The following ZFP3 variants were observed in gnomAD, a reference collection of about 807,000 sequenced individuals.
ZFP3 encodes the protein zinc finger protein 3 homolog.
Under a neutral mutation model 36.7 loss-of-function variants are expected in ZFP3, and 18 were observed. The observed-to-expected ratio is 0.49, with a 90% CI of 0.34 to 0.73. The LOEUF (loss-of-function observed/expected upper bound fraction) is 0.73. Among genes scored for constraint, ZFP3 ranks in the 30% least tolerant of loss-of-function variants. The pLI, the probability that ZFP3 is intolerant of heterozygous loss-of-function variation, is 0.01. For missense variants in ZFP3, 495 were observed against 599.0 expected (o/e 0.83, Z 1.81); for synonymous variants, 218 against 199.0 (o/e 1.10, Z -0.81).
chr17:5,086,898 T>TTTTA (rs2072124467), intron 1 of ZFP3, among the ~76,000 whole-genome samples: 1 of 151,272 alleles, frequency 6.6e-6, no homozygotes, highest in African/African-American at 2.4e-5. Context: ...TGGCTCCTTT[T>TTTTA]TTTGTACTTT....
rs1567748985 is a variant in ZFP3, at chr17:5,086,742, T to G, written c.-8-4755T>G. ...TTTCTTTCTTTTTTTTTTTTTTTTT[T>G]TTTGAGACGGAGTCTCGCTCTGTCA... On this transcript the variant is annotated intron_variant, in intron 1 of 1. Transcript: ENST00000318833. Among the ~76,000 whole-genome samples the G allele has an allele frequency of 4.7e-5, 7 of 148,630 alleles. No homozygotes were observed. The South Asian group carries it at 1.3e-3, about 27-fold the overall frequency.
At chr17:5,085,246 ATGT>A (rs1174471359) in intron 1 of ZFP3, among the ~76,000 whole-genome samples, 2 of 151,934 alleles carry the variant, frequency 1.3e-5, no homozygotes, top group African/African-American at 4.8e-5. Flanking sequence ...GGGTTTCACC[ATGT>A]TGTCCAGGCT....
In ZFP3 at chr17:5,091,979, C is replaced by A. The variant is rs1156417727; in HGVS notation, c.475C>A (p.His159Asn). 1.2e-6 allele frequency: 2 copies of A among 1,614,154 alleles called. No individual in the cohort carries two copies. The highest frequency in any genetic ancestry group is 8.5e-7 in the Non-Finnish European group (1 of 1,179,992). Residue 159 changes from histidine to asparagine, a missense_variant, in exon 2 of 2, where the codon CAT (histidine) becomes AAT (asparagine). By Grantham distance (68) the His-to-Asn change is moderately conservative. Transcript: ENST00000318833. ...AFNQNSHLIQHMRVHSGEKPF... is the reference protein window; with the variant it reads ...AFNQNSHLIQNMRVHSGEKPF... ...TAATCAGAACTCACATCTCATCCAGCATATGAGAGTTCATAGTGGAGAAAA... is the reference window on the plus strand; with the variant it reads ...TAATCAGAACTCACATCTCATCCAGAATATGAGAGTTCATAGTGGAGAAAA...
At chr17:5,087,077 ATTTTTTT>A in intron 1 of ZFP3, among the ~76,000 whole-genome samples, 1 of 101,568 alleles carries the variant, frequency 9.8e-6, no homozygotes, top group East Asian at 2.8e-4. Context: ...ACTGCATTTG[ATTTTTTT>A]TTTTTTTTTT....
chr17:5,086,100 G>A (rs1187684963), intron 1 of ZFP3, among the ~76,000 whole-genome samples: 1 of 152,184 alleles, frequency 6.6e-6, no homozygotes, highest in Non-Finnish European at 1.5e-5. Flanking sequence ...GTTTTTAGGT[G>A]CCCTCTCTTA....
At chr17:5,088,391 T>A (rs4790248) in intron 1 of ZFP3, among the ~76,000 whole-genome samples, 13,634 of 152,086 alleles carry the variant, frequency 0.09, 709 homozygotes, top group East Asian at 0.16. Context: ...CTGCTACTAG[T>A]GCTCTAGTGA....
rs2072171538 is a variant in ZFP3 at position 5,094,764 on chromosome 17, T to C, written c.*1751T>C. ...GCCAGTTTACATTTTAATTTTCACA[T>C]CATTTCTATGATGTGGGTACTCATT... On this transcript the variant is annotated 3_prime_UTR_variant, in exon 2 of 2. Coordinates refer to ENST00000318833, the MANE Select transcript of ZFP3 (RefSeq NM_153018.3). 6.0e-6 allele frequency: 1 copy of C among 167,132 alleles called. No homozygotes were observed. The highest frequency in any genetic ancestry group is 2.4e-5 in the African/African-American group (1 of 41,468). The allele number at this position is 167,132 out of a possible 1,614,324, so 10.4% of individuals were successfully genotyped here. A position where few individuals can be genotyped will look rare whatever the true frequency, so the allele number is the denominator to read the frequency against.
At chr17:5,081,642 C>G (rs1033992371) in intron 1 of ZFP3, among the ~76,000 whole-genome samples, 1 of 151,100 alleles carries the variant, frequency 6.6e-6, no homozygotes, top group East Asian at 2.0e-4. Context: ...CGCTCTATCA[C>G]CCAGGCTGGA....
intron 1 of ZFP3, among the ~76,000 whole-genome samples, chr17:5,080,018 G>A (rs2072085249): frequency 2.6e-5 from 4 of 151,838 alleles, no homozygotes; most frequent in Admixed American, 6.6e-5. Context: ...CAGCCTGGGA[G>A]ACAGAGCGAG....
Position 5,091,640 on chromosome 17 carries a change from ATGT to A in ZFP3, c.139_141del (p.Leu47del). 6.2e-7 allele frequency: 1 copy of A among 1,614,234 alleles called. No homozygotes were observed. The highest frequency in any genetic ancestry group is 8.5e-7 in the Non-Finnish European group (1 of 1,180,048). On this transcript the variant is annotated inframe_deletion, in exon 2 of 2. Coordinates refer to ENST00000318833, the MANE Select transcript of ZFP3 (RefSeq NM_153018.3). Reference sequence around the variant, plus strand: ...GTTTGGAGCAGGATGTGAAGAAGACATGTTGGAGGGACATTCGAGAGAGTCCAT... The same window carrying A: ...GTTTGGAGCAGGATGTGAAGAAGACATGGAGGGACATTCGAGAGAGTCCAT...
At position 5,094,750 on chromosome 17, in the gene ZFP3, T is replaced by G. The variant is rs370306087; in HGVS notation, c.*1737T>G. Reference sequence around the variant, plus strand: ...CTGACAGGCAGAGTGCCAGTTTACATTTTAATTTTCACATCATTTCTATGA... The same window carrying G: ...CTGACAGGCAGAGTGCCAGTTTACAGTTTAATTTTCACATCATTTCTATGA... On this transcript the variant is annotated 3_prime_UTR_variant, in exon 2 of 2. Transcript: ENST00000318833. 2 of 167,142 alleles carry G rather than the reference T, an allele frequency of 1.2e-5. No individual in the cohort carries two copies. The highest frequency in any genetic ancestry group is 4.8e-5 in the African/African-American group (2 of 41,474). 10.4% of individuals were successfully genotyped at this position (167,142 alleles called of 1,614,324 possible).
At chr17:5,086,830 C>T (rs1412700048) in intron 1 of ZFP3, among the ~76,000 whole-genome samples, 1 of 150,244 alleles carries the variant, frequency 6.7e-6, no homozygotes, top group African/African-American at 2.5e-5. Flanking sequence ...CGGGTTCAGG[C>T]CATTCTCCTG....
chr17:5,091,873 A>G lies in ZFP3; in HGVS notation c.369A>G (p.Leu123=). The G allele has an allele frequency of 6.2e-7, 1 of 1,614,262 alleles. No homozygotes were observed. The highest frequency in any genetic ancestry group is 8.5e-7 in the Non-Finnish European group (1 of 1,180,052). The change falls in exon 2 of 2, where the codon CTA becomes CTG. Residue 123 remains leucine, a synonymous_variant. Transcript: ENST00000318833. ...TTGCTACCTCTGGCCAAAACTTCCTAGAGATTTTAGAATCTAACAAAACAC... is the reference window on the plus strand; with the variant it reads ...TTGCTACCTCTGGCCAAAACTTCCTGGAGATTTTAGAATCTAACAAAACAC... The part of the protein sequence containing the change: ...SAFATSGQNF[L]EILESNKTQR...
intron 1 of ZFP3, among the ~76,000 whole-genome samples, chr17:5,082,494 G>A (rs990920555): frequency 1.4e-4 from 22 of 152,260 alleles, no homozygotes; most frequent in Admixed American, 1.2e-3. Context: ...TGGACGTTTT[G>A]TAATACAAGT....
chr17:5,092,876 T>G lies in ZFP3; in HGVS notation c.1372T>G (p.Phe458Val). 6.2e-7 allele frequency: 1 copy of G among 1,614,128 alleles called. No individual in the cohort carries two copies. The highest frequency in any genetic ancestry group is 8.5e-7 in the Non-Finnish European group (1 of 1,180,018). ...TGAATGTAGCGAGTGTGAGAAAACA[T>G]TTAGCCAGCATTCCCAACTTATCAT... The part of the protein sequence containing the change: ...PYECSECEKT[F>V]SQHSQLIIHQ... Residue 458 changes from phenylalanine (F) to valine (V), a missense_variant, in exon 2 of 2, where the codon TTT becomes GTT. Physicochemically the swap from Phe to Val is conservative, Grantham distance 50. Around this residue, in one of 3 missense-constraint regions of ZFP3, gnomAD observed 163 missense variants for 178.4 expected, o/e 0.91. Coordinates refer to ENST00000318833, the MANE Select transcript of ZFP3 (RefSeq NM_153018.3). The surrounding 1 kb of genome is among the most constrained non-coding windows in gnomAD (Gnocchi z 5.0).
Position 5,093,090 on chromosome 17 carries a change from C to G in ZFP3, c.*77C>G. On this transcript the variant is annotated 3_prime_UTR_variant, in exon 2 of 2. Transcript: ENST00000318833. ...TTTGTTCATAATATGCAAATATGCACCCCAAGTATTCAAATCCAATGAATG... is the reference window on the plus strand; with the variant it reads ...TTTGTTCATAATATGCAAATATGCAGCCCAAGTATTCAAATCCAATGAATG... The G allele has an allele frequency of 7.1e-7, 1 of 1,404,386 alleles. No individual in the cohort carries two copies. Among genetic ancestry groups the G allele is most frequent in the East Asian group, 2.3e-5 (1 of 42,616 alleles). 87.0% of individuals were successfully genotyped at this position (1,404,386 alleles called of 1,614,324 possible).
Position 5,092,655 on chromosome 17 carries a change from A to G in ZFP3, c.1151A>G (p.Glu384Gly). Residue 384 changes from glutamate (E) to glycine (G), a missense_variant, in exon 2 of 2, where the codon GAG becomes GGG. Glu to Gly is a moderately conservative substitution (Grantham distance 98). This residue lies in a region of ZFP3 where 163 missense variants were observed against 178.4 expected (regional missense o/e 0.91). Coordinates refer to ENST00000318833, the MANE Select transcript of ZFP3 (RefSeq NM_153018.3). The surrounding 1 kb of genome is among the most constrained non-coding windows in gnomAD (Gnocchi z 5.0). Reference sequence around the variant, plus strand: ...GGGAACTCAGAACTTCTTAGACATGAGAGAATTCACACTGGAGAGAAACCC... The same window carrying G: ...GGGAACTCAGAACTTCTTAGACATGGGAGAATTCACACTGGAGAGAAACCC... ...FRGNSELLRHERIHTGEKPYE... is the reference protein window; with the variant it reads ...FRGNSELLRHGRIHTGEKPYE... The G allele has an allele frequency of 1.2e-6, 2 of 1,614,140 alleles. No individual in the cohort carries two copies. Among genetic ancestry groups the G allele is most frequent in the East Asian group, 4.5e-5 (2 of 44,882 alleles).
chr17:5,092,048 T>C lies in ZFP3; in HGVS notation c.544T>C (p.Ser182Pro). Residue 182 changes from serine to proline, a missense_variant, in exon 2 of 2, where the codon TCA becomes CCA. Physicochemically the swap from Ser to Pro is moderately conservative, Grantham distance 74 (BLOSUM62 -1). This residue lies in a region of ZFP3 where 229 missense variants were observed against 233.8 expected (regional missense o/e 0.98). Coordinates refer to ENST00000318833, the MANE Select transcript of ZFP3 (RefSeq NM_153018.3). This position sits in a 1 kb window ranked among gnomAD's most constrained non-coding sequence, Gnocchi z 5.0. Reference sequence around the variant, plus strand: ...ATGTGGAAAGACATTTGGAACTAATTCAAGCCTTCGACGGCACCTGAGAAT... The same window carrying C: ...ATGTGGAAAGACATTTGGAACTAATCCAAGCCTTCGACGGCACCTGAGAAT... ...KECGKTFGTNSSLRRHLRIHA... is the reference protein window; with the variant it reads ...KECGKTFGTNPSLRRHLRIHA... 17 of 1,614,260 alleles carry C rather than the reference T, an allele frequency of 1.1e-5. No homozygotes were observed. Among genetic ancestry groups the C allele is most frequent in the Non-Finnish European group, 1.4e-5 (17 of 1,180,046 alleles).
At chr17:5,082,821 C>T (rs1022348700) in intron 1 of ZFP3, among the ~76,000 whole-genome samples, 6 of 152,146 alleles carry the variant, frequency 3.9e-5, no homozygotes, top group Admixed American at 1.3e-4. Flanking sequence ...TGCCCAGTCC[C>T]AACAGAATTT....
Sources: gnomAD v4.1 joint callset for allele counts (sites outside exome capture counted in the v4.1 genomes callset) on GRCh38, gnomAD v4.1.1 for gene constraint, gnomAD v4.1.1 regional missense constraint, Gnocchi (gnomAD v3.1) non-coding constraint, MANE v1.5 for transcripts, NCBI Gene and HGNC (gene_info 2026-07-23, HGNC 2026-07-21) for gene names.